LCN15: variants seen among roughly 807,000 people sequenced by gnomAD.
LCN15 encodes the protein lipocalin 15.
LCN15 carries 26 observed loss-of-function variants against 23.1 expected under a neutral mutation model. The ratio of observed to expected loss-of-function variants is 1.13; its 90% CI spans 0.82 to 1.56. LCN15 has a LOEUF of 1.56. Ranked by LOEUF, LCN15 falls within the 40% of genes most tolerant of loss-of-function variation. LCN15 has a pLI of 0.00. For missense variants in LCN15, 241 were observed against 239.5 expected, an observed-to-expected ratio of 1.01 and a Z score of -0.04; for synonymous variants, 107 against 98.3, an observed-to-expected ratio of 1.09 and a Z score of -0.52.
Position 136,761,802 on chromosome 9 carries a change from G to T in LCN15, c.*17C>A. 1.6e-6 allele frequency: 2 copies of T among 1,282,842 alleles called. No homozygotes were observed. Among genetic ancestry groups the T allele is most frequent in the Non-Finnish European group, 9.9e-7 (1 of 1,013,758 alleles). The allele number at this position is 1,282,842 out of a possible 1,614,324, so 79.5% of individuals were successfully genotyped here. On this transcript the variant is annotated 3_prime_UTR_variant, in exon 6 of 7. Transcript: ENST00000316144. This position sits in a 1 kb window ranked among gnomAD's most constrained non-coding sequence, Gnocchi z 4.2. ...GAGAACCCACCTGGGAAGGGCGGGGGTGGGGCTCCGGAGGTGTCAGGGCGC... is the reference window on the plus strand; with the variant it reads ...GAGAACCCACCTGGGAAGGGCGGGGTTGGGGCTCCGGAGGTGTCAGGGCGC...
rs757569137 is a variant in LCN15, at chr9:136,763,705, G to A, written c.307+8C>T. ...AGCACCCCTGAAGGCAGAGGAGGCAGGACCTACCCGGGACTCTGAAGTGTC... is the reference window on the plus strand; with the variant it reads ...AGCACCCCTGAAGGCAGAGGAGGCAAGACCTACCCGGGACTCTGAAGTGTC... On this transcript the variant is annotated splice_region_variant and intron_variant, in intron 3 of 6. Transcript: ENST00000316144. 5.6e-6 allele frequency: 9 copies of A among 1,612,994 alleles called. No individual in the cohort carries two copies. Among genetic ancestry groups the A allele is most frequent in the African/African-American group, 1.3e-5 (1 of 74,902 alleles).
rs1847320891 is a variant in LCN15, at chr9:136,761,840, A to C, written c.534T>G (p.Pro178=). 14 of 1,313,782 alleles carry C rather than the reference A, an allele frequency of 1.1e-5. No individual in the cohort carries two copies. The highest frequency in any genetic ancestry group is 1.4e-5 in the Non-Finnish European group (14 of 1,029,242). The allele number at this position is 1,313,782 out of a possible 1,614,324, so 81.4% of individuals were successfully genotyped here. A position where few individuals can be genotyped will look rare whatever the true frequency, so the allele number is the denominator to read the frequency against. ...GGTGTCAGGGCGCCTCCTTGCTCTC[A>C]GGGTTGCATGCATCTGTGGGGAGGA... The part of the protein sequence containing the change: ...VMLPQSDACN[P]ESKEAP The change falls in exon 6 of 7, where the codon CCT becomes CCG. Residue 178 remains proline, a synonymous_variant. Coordinates refer to ENST00000316144, the MANE Select transcript of LCN15 (RefSeq NM_203347.2). The surrounding 1 kb of genome is among the most constrained non-coding windows in gnomAD (Gnocchi z 4.2).
rs762428507 is a variant in LCN15, at chr9:136,761,889, C to A, written c.521-36G>T. 3 of 1,326,628 alleles carry A rather than the reference C, an allele frequency of 2.3e-6. No individual in the cohort carries two copies. Among genetic ancestry groups the A allele is most frequent in the Non-Finnish European group, 2.9e-6 (3 of 1,036,940 alleles). The allele number at this position is 1,326,628 out of a possible 1,614,324, so 82.2% of individuals were successfully genotyped here. A position where few individuals can be genotyped will look rare whatever the true frequency, so the allele number is the denominator to read the frequency against. ...GAAGACATCCGTGAGATGCTGACGGCCAGGACCGCCCTCGCTTCCCGCAGC... is the reference window on the plus strand; with the variant it reads ...GAAGACATCCGTGAGATGCTGACGGACAGGACCGCCCTCGCTTCCCGCAGC... On this transcript the variant is annotated intron_variant, in intron 5 of 6. Coordinates refer to ENST00000316144, the MANE Select transcript of LCN15 (RefSeq NM_203347.2). The surrounding 1 kb of genome is among the most constrained non-coding windows in gnomAD (Gnocchi z 4.2).
chr9:136,764,040 G>A (rs568290180), intron 1 of LCN15, 31 bp from the exon 2 acceptor site: 20 of 1,605,754 alleles, frequency 1.2e-5, no homozygotes, highest in Middle Eastern at 3.3e-4. Context: ...CGCAGGCCAG[G>A]ACAGCCAGCA....
Position 136,764,375 on chromosome 9 carries a change from A to G in LCN15, c.96+18T>C. 1 of 1,607,618 alleles carries G rather than the reference A, an allele frequency of 6.2e-7. No homozygotes were observed. The highest frequency in any genetic ancestry group is 8.5e-7 in the Non-Finnish European group (1 of 1,175,480). Reference sequence around the variant, plus strand: ...GCCCAGCTCCCACCCACCACAGGACAGCAGAGGCCCCTGGTACCTTTTCAG... The same window carrying G: ...GCCCAGCTCCCACCCACCACAGGACGGCAGAGGCCCCTGGTACCTTTTCAG... On this transcript the variant is annotated intron_variant, in intron 1 of 6. Coordinates refer to ENST00000316144, the MANE Select transcript of LCN15 (RefSeq NM_203347.2).
Position 136,761,838 on chromosome 9 carries a change from T to G in LCN15, c.536A>C (p.Glu179Ala), listed in dbSNP as rs1847320827. ...MLPQSDACNP[E>A]SKEAP ...GAGGTGTCAGGGCGCCTCCTTGCTC[T>G]CAGGGTTGCATGCATCTGTGGGGAG... Residue 179 changes from glutamate (E) to alanine (A), a missense_variant, in exon 6 of 7, where the codon GAG (glutamate) becomes GCG (alanine). Physicochemically the swap from Glu to Ala is moderately radical, Grantham distance 107. Transcript: ENST00000316144. The surrounding 1 kb of genome is among the most constrained non-coding windows in gnomAD (Gnocchi z 4.2). The G allele has an allele frequency of 4.6e-6, 6 of 1,313,660 alleles. No homozygotes were observed. Among genetic ancestry groups the G allele is most frequent in the Non-Finnish European group, 5.8e-6 (6 of 1,029,336 alleles). The allele number at this position is 1,313,660 out of a possible 1,614,324, so 81.4% of individuals were successfully genotyped here. A position where few individuals can be genotyped will look rare whatever the true frequency, so the allele number is the denominator to read the frequency against.
rs192897175 is a variant in LCN15 at position 136,763,576 on chromosome 9, C to G, written c.308-109G>C. On this transcript the variant is annotated intron_variant, in intron 3 of 6. Transcript: ENST00000316144. ...GGGCTGTGAGCCTGTTCCCCGAAGA[C>G]AGAGGAGGGGCGGGGAGGGCGGGCA... 4.4e-4 allele frequency: 529 copies of G among 1,213,878 alleles called. 1 individual carries two copies. The African/African-American group carries it at 6.4e-3, about 15-fold the overall frequency. 75.2% of individuals were successfully genotyped at this position (1,213,878 alleles called of 1,614,324 possible).
chr9:136,761,819 T>A lies in LCN15; in HGVS notation c.555A>T (p.Ter185CysextTer?), dbSNP rs1462380694. 1 of 1,293,376 alleles carries A rather than the reference T, an allele frequency of 7.7e-7. No homozygotes were observed. The highest frequency in any genetic ancestry group is 9.8e-7 in the Non-Finnish European group (1 of 1,018,496). 80.1% of individuals were successfully genotyped at this position (1,293,376 alleles called of 1,614,324 possible). ...GGGCGGGGGTGGGGCTCCGGAGGTG[T>A]CAGGGCGCCTCCTTGCTCTCAGGGT... ...ACNPESKEAP* is the reference protein window; with the variant it reads ...ACNPESKEAPC Residue 185 changes from the stop codon to cysteine (C), a stop_lost, in exon 6 of 7, where the codon TGA becomes TGT. Coordinates refer to ENST00000316144, the MANE Select transcript of LCN15 (RefSeq NM_203347.2). This position sits in a 1 kb window ranked among gnomAD's most constrained non-coding sequence, Gnocchi z 4.2.
intron 1 of LCN15, 120 bp downstream of exon 1, chr9:136,764,273 G>T: frequency 1.0e-6 from 1 of 998,088 alleles, no homozygotes; most frequent in Non-Finnish European, 1.5e-6. Flanking sequence ...TGGGTCTATA[G>T]CACGTGCCTG....
At chr9:136,760,602 A>C (rs1392624002) in intron 6 of LCN15, among the ~76,000 whole-genome samples, 1 of 152,156 alleles carries the variant, frequency 6.6e-6, no homozygotes, top group Admixed American at 6.5e-5. Context: ...CTTGGCGGTG[A>C]GCCCCGGCGA....
Position 136,761,364 on chromosome 9 carries a change from G to A in LCN15, c.*32+423C>T, listed in dbSNP as rs370497560. ...CAACCTCCGCCTCCTGGGTTCAGGC[G>A]ATTCTCCTGCCTCAGCCTCACAAGT... On this transcript the variant is annotated intron_variant, in intron 6 of 6. Coordinates refer to ENST00000316144, the MANE Select transcript of LCN15 (RefSeq NM_203347.2). This position sits in a 1 kb window ranked among gnomAD's most constrained non-coding sequence, Gnocchi z 4.2. 1.3e-5 allele frequency among the ~76,000 whole-genome samples: 2 copies of A among 152,202 alleles called. No homozygotes were observed. The highest frequency in any genetic ancestry group is 6.5e-5 in the Admixed American group (1 of 15,284).
intron 6 of LCN15, among the ~76,000 whole-genome samples, chr9:136,760,928 AT>A (rs1377793833): frequency 5.9e-5 from 9 of 152,208 alleles, no homozygotes; most frequent in South Asian, 2.1e-4. Flanking sequence ...GAATCTGGAG[AT>A]TAGATCATCC....
In LCN15 at chr9:136,761,979, G is replaced by T; in HGVS notation, c.521-126C>A. 1.2e-6 allele frequency: 1 copy of T among 861,128 alleles called. No individual in the cohort carries two copies. The highest frequency in any genetic ancestry group is 1.7e-6 in the Non-Finnish European group (1 of 599,894). The allele number at this position is 861,128 out of a possible 1,614,324, so 53.3% of individuals were successfully genotyped here. A position where few individuals can be genotyped will look rare whatever the true frequency, so the allele number is the denominator to read the frequency against. On this transcript the variant is annotated intron_variant, in intron 5 of 6. Transcript: ENST00000316144. This position sits in a 1 kb window ranked among gnomAD's most constrained non-coding sequence, Gnocchi z 4.2. Reference sequence around the variant, plus strand: ...CCATCCCCAGAGAGTGGAGCCCAGAGCTTCCCTCCCAGCGCTGCCCAAAGC... The same window carrying T: ...CCATCCCCAGAGAGTGGAGCCCAGATCTTCCCTCCCAGCGCTGCCCAAAGC...
chr9:136,762,338 G>T, intron 4 of LCN15, 49 bp from the exon 5 acceptor site: 1 of 1,085,288 alleles, frequency 9.2e-7, no homozygotes, highest in Non-Finnish European at 1.4e-6. Flanking sequence ...CAGGAGTGCA[G>T]CACGGGGTCT....
chr9:136,761,826 G>T lies in LCN15; in HGVS notation c.548C>A (p.Ala183Glu). 3 of 1,300,282 alleles carry T rather than the reference G, an allele frequency of 2.3e-6. No homozygotes were observed. The highest frequency in any genetic ancestry group is 2.9e-6 in the Non-Finnish European group (3 of 1,022,126). The allele number at this position is 1,300,282 out of a possible 1,614,324, so 80.5% of individuals were successfully genotyped here. Reference protein sequence around the residue: ...SDACNPESKEAP With the variant: ...SDACNPESKEEP ...GGTGGGGCTCCGGAGGTGTCAGGGC[G>T]CCTCCTTGCTCTCAGGGTTGCATGC... The change falls in exon 6 of 7, where the codon GCG becomes GAG. Residue 183 changes from alanine to glutamate, a missense_variant. Coordinates refer to ENST00000316144, the MANE Select transcript of LCN15 (RefSeq NM_203347.2). This position sits in a 1 kb window ranked among gnomAD's most constrained non-coding sequence, Gnocchi z 4.2.
At chr9:136,763,286 G>A in intron 4 of LCN15, 71 bp downstream of exon 4, 1 of 828,114 alleles carries the variant, frequency 1.2e-6, no homozygotes, top group Admixed American at 3.0e-5. Flanking sequence ...GGCGGGGGTA[G>A]GCAGAACGGG....
chr9:136,762,719 G>A (rs1015019699), intron 4 of LCN15, among the ~76,000 whole-genome samples: 11 of 152,064 alleles, frequency 7.2e-5, no homozygotes, highest in African/African-American at 2.4e-4. Context: ...GGCTAACACG[G>A]TGAAACCCCG....
chr9:136,761,753 CCAGGGCATCCCCTG>C lies in LCN15; in HGVS notation c.*32+20_*32+33del, dbSNP rs1847319712. 8.9e-7 allele frequency: 1 copy of C among 1,121,314 alleles called. No individual in the cohort carries two copies. Among genetic ancestry groups the C allele is most frequent in the East Asian group, 3.2e-5 (1 of 31,558 alleles). The allele number at this position is 1,121,314 out of a possible 1,614,324, so 69.5% of individuals were successfully genotyped here. ...GCTGCGATAGGGAGGGGAGAGGCAACCAGGGCATCCCCTGCAGGGCCTGGAGAACCCACCTGGGA... is the reference window on the plus strand; with the variant it reads ...GCTGCGATAGGGAGGGGAGAGGCAACCAGGGCCTGGAGAACCCACCTGGGA... On this transcript the variant is annotated intron_variant, in intron 6 of 6. Transcript: ENST00000316144. This position sits in a 1 kb window ranked among gnomAD's most constrained non-coding sequence, Gnocchi z 4.2.
chr9:136,764,276 C>G (rs955610858), intron 1 of LCN15, 117 bp downstream of exon 1: 18 of 1,032,126 alleles, frequency 1.7e-5, no homozygotes, highest in Non-Finnish European at 2.6e-5. Flanking sequence ...GTCTATAGCA[C>G]GTGCCTGGCC....
Sources: allele counts gnomAD v4.1 joint callset (sites outside exome capture counted in the v4.1 genomes callset), GRCh38; gene constraint gnomAD v4.1.1; non-coding constraint Gnocchi (gnomAD v3.1); transcripts MANE v1.5; gene names NCBI Gene and HGNC (gene_info 2026-07-23, HGNC 2026-07-21).